The following SBF1 variants were observed in gnomAD, a reference collection of about 807,000 sequenced individuals.
SBF1 encodes the protein SET binding factor 1.
In SBF1, 65 loss-of-function variants were observed where a neutral mutation model predicts 215.8. The observed-to-expected ratio is 0.30, with a 90% CI of 0.25 to 0.37. The LOEUF (loss-of-function observed/expected upper bound fraction) is 0.37, where lower values mean the gene tolerates loss of function less well. Among genes scored for constraint, SBF1 ranks in the 10% least tolerant of loss-of-function variants. SBF1 has a pLI of 1.00. For missense variants in SBF1, 2,634 were observed against 2,667.8 expected, an observed-to-expected ratio of 0.99 and a Z score of 0.28; for synonymous variants, 1,410 against 1,122.8, an observed-to-expected ratio of 1.26 and a Z score of -5.11.
rs1006526813 is a variant in SBF1, at chr22:50,461,053, G to A, written c.2967+106C>T. 1.4e-5 allele frequency: 19 copies of A among 1,399,456 alleles called. No individual in the cohort carries two copies. The Admixed American group carries it at 1.5e-4, about 11-fold the overall frequency. The allele number at this position is 1,399,456 out of a possible 1,614,324, so 86.7% of individuals were successfully genotyped here. On this transcript the variant is annotated intron_variant, in intron 23 of 40. Coordinates refer to ENST00000380817, the MANE Select transcript of SBF1 (RefSeq NM_002972.4). ...CCAGACATGCAAGCGTAACAACAGG[G>A]CCACTGCTGGAGACTGGCCTAAAAA...
chr22:50,447,208 A>C lies in SBF1; in HGVS notation c.5616T>G (p.Cys1872Trp). 1 of 1,613,900 alleles carries C rather than the reference A, an allele frequency of 6.2e-7. No homozygotes were observed. The highest frequency in any genetic ancestry group is 8.5e-7 in the Non-Finnish European group (1 of 1,179,984). ...GCTGGGCCGAGGGCACGTCCTGGGCACAGAAGTTGTAAACGCGACGCGTTG... is the reference window on the plus strand; with the variant it reads ...GCTGGGCCGAGGGCACGTCCTGGGCCCAGAAGTTGTAAACGCGACGCGTTG... ...VKTTRRVYNF[C>W]AQDVPSAQQW... The change falls in exon 41 of 41, where the codon TGT becomes TGG. Residue 1872 changes from cysteine to tryptophan, a missense_variant. Physicochemically the swap from Cys to Trp is radical, Grantham distance 215. Transcript: ENST00000380817.
chr22:50,473,801 G>C (rs1431392251), intron 1 of SBF1, among the ~76,000 whole-genome samples: 2 of 152,218 alleles, frequency 1.3e-5, no homozygotes, highest in Non-Finnish European at 2.9e-5. Flanking sequence ...CTGCCAGTCT[G>C]CAGCTGGGAT....
Position 50,462,251 on chromosome 22 carries a change from C to G in SBF1, c.2350G>C (p.Gly784Arg). 1 of 1,609,908 alleles carries G rather than the reference C, an allele frequency of 6.2e-7. No individual in the cohort carries two copies. The highest frequency in any genetic ancestry group is 2.2e-5 in the East Asian group (1 of 44,882). ...SKSRLLRERA[G>R]LGDLESASNS... ...CTGGCGCTCTCCAGGTCGCCCAGCC[C>G]GGCACGCTCCCGAAGTAGGCGGCTC... Residue 784 changes from glycine (G) to arginine (R), a missense_variant, in exon 19 of 41, where the codon GGG becomes CGG. Physicochemically the swap from Gly to Arg is moderately radical, Grantham distance 125 (BLOSUM62 -2). Coordinates refer to ENST00000380817, the MANE Select transcript of SBF1 (RefSeq NM_002972.4).
chr22:50,455,693 C>T, intron 31 of SBF1, 111 bp from the exon 32 acceptor site: 3 of 854,198 alleles, frequency 3.5e-6, no homozygotes, highest in South Asian at 3.1e-5. Context: ...AGGCCCTGTC[C>T]ACAGCCCCCC....
At position 50,455,002 on chromosome 22, in the gene SBF1, G is replaced by A. The variant is rs116731277; in HGVS notation, c.4681+14C>T. ...CCTGACCCGTGGCTGCCCCAGCCCC[G>A]ACTCCCCACATACCCAGCTCAATGC... On this transcript the variant is annotated intron_variant, in intron 34 of 40. Coordinates refer to ENST00000380817, the MANE Select transcript of SBF1 (RefSeq NM_002972.4). 8.7e-4 allele frequency: 1,404 copies of A among 1,613,920 alleles called. 9 individuals carry two copies. The African/African-American group carries it at 0.017, about 20-fold the overall frequency.
intron 29 of SBF1, 118 bp from the exon 30 acceptor site, chr22:50,456,791 G>A: frequency 3.3e-6 from 3 of 919,788 alleles, no homozygotes; most frequent in Non-Finnish European, 4.8e-6. Flanking sequence ...TGGTTGGCAG[G>A]ACCCCAGCAG....
At chr22:50,451,331 C>A (rs1214882977) in intron 36 of SBF1, among the ~76,000 whole-genome samples, 1 of 152,048 alleles carries the variant, frequency 6.6e-6, no homozygotes, top group Admixed American at 6.6e-5. Context: ...GGCAACAGAG[C>A]AAGACCCTGT....
intron 10 of SBF1, 24 bp downstream of exon 10, chr22:50,465,739 T>C (rs761948968): frequency 1.3e-6 from 2 of 1,575,766 alleles, no homozygotes; most frequent in Non-Finnish European, 1.7e-6. Flanking sequence ...GGGGTCCCCA[T>C]GCAGGAGCAG....
rs752779831 is a variant in SBF1 at position 50,459,458 on chromosome 22, C to T, written c.3688+12G>A. On this transcript the variant is annotated intron_variant, in intron 27 of 40. Coordinates refer to ENST00000380817, the MANE Select transcript of SBF1 (RefSeq NM_002972.4). ...AGGGCAGGGCAGGCACAGGGCAGGA[C>T]GCAGGAGGTACCTGGAGAAGGTGCG... The T allele has an allele frequency of 1.1e-5, 18 of 1,611,274 alleles. No homozygotes were observed. The highest frequency in any genetic ancestry group is 5.0e-5 in the Admixed American group (3 of 59,938).
In SBF1 at chr22:50,461,246, C is replaced by T. The variant is rs371514084; in HGVS notation, c.2880G>A (p.Ala960=). Residue 960 remains alanine, a synonymous_variant, in exon 23 of 41, where the codon GCG becomes GCA. Coordinates refer to ENST00000380817, the MANE Select transcript of SBF1 (RefSeq NM_002972.4). ...CGCTGATGCGCTTCTCCTTGGTCAG[C>T]GCAGCCACCGGGAAGGAGCGGACCA... ...QVVVRSFPVA[A]LTKEKRISVQ... is the part of the protein sequence containing the mutation. 4.5e-5 allele frequency: 73 copies of T among 1,612,752 alleles called. No individual in the cohort carries two copies. The highest frequency in any genetic ancestry group is 1.1e-4 in the South Asian group (10 of 91,000).
chr22:50,455,915 C>G, intron 31 of SBF1: 1 of 557,490 alleles, frequency 1.8e-6, no homozygotes, highest in Admixed American at 3.3e-5. Context: ...CGAGAGAATG[C>G]AGCAGGGGCC....
chr22:50,463,136 C>T, intron 16 of SBF1, 147 bp downstream of exon 16: 6 of 1,199,760 alleles, frequency 5.0e-6, no homozygotes, highest in Non-Finnish European at 7.1e-6. Context: ...TTCTCTCCAC[C>T]CTGTTCCCTG....
Position 50,460,402 on chromosome 22 carries a change from C to G in SBF1, c.3153G>C (p.Leu1051=), listed in dbSNP as rs1413380622. Residue 1051 remains leucine, a synonymous_variant, in exon 25 of 41, where the codon CTG becomes CTC. Coordinates refer to ENST00000380817, the MANE Select transcript of SBF1 (RefSeq NM_002972.4). ...TGGCGTTCTTGACCAGGTTCCGGGA[C>G]AGGGTTCTGAGGCCCACGAGAGTCA... ...TKDKGPSLRT[L]SRNLVKNAKK... 6.2e-6 allele frequency: 10 copies of G among 1,610,976 alleles called. No homozygotes were observed. In the Admixed American group the frequency reaches 8.4e-5, roughly 13 times the overall value.
chr22:50,459,503 C>T lies in SBF1; in HGVS notation c.3655G>A (p.Gly1219Ser), dbSNP rs1486209438. The change falls in exon 27 of 41, where the codon GGC becomes AGC. Residue 1219 changes from glycine (G) to serine (S), a missense_variant. Physicochemically the swap from Gly to Ser is moderately conservative, Grantham distance 56 (BLOSUM62 0). Transcript: ENST00000380817. Reference sequence around the variant, plus strand: ...GGTGCGTTCTGGGCCTTGAAGAGGCCGACGACACCTTTGCCATGCAGGCCT... The same window carrying T: ...GGTGCGTTCTGGGCCTTGAAGAGGCTGACGACACCTTTGCCATGCAGGCCT... ...SGGLHGKGVV[G>S]LFKAQNAPSP... The T allele has an allele frequency of 1.1e-5, 17 of 1,610,032 alleles. No individual in the cohort carries two copies. Among genetic ancestry groups the T allele is most frequent in the East Asian group, 2.2e-5 (1 of 44,882 alleles).
chr22:50,465,556 C>A (rs189477506), intron 10 of SBF1, among the ~76,000 whole-genome samples: 296 of 152,342 alleles, frequency 1.9e-3, no homozygotes, highest in Admixed American at 4.1e-3. Context: ...AAGTTCCAGC[C>A]CCTTGCTGGG....
intron 27 of SBF1, 23 bp downstream of exon 27, chr22:50,459,447 A>G (rs1263942582): frequency 6.2e-7 from 1 of 1,611,780 alleles, no homozygotes; most frequent in Admixed American, 1.7e-5. Context: ...CAGGGCAGGC[A>G]CAGGGCAGGA....
intron 1 of SBF1, among the ~76,000 whole-genome samples, chr22:50,469,717 G>A (rs966961988): frequency 2.0e-5 from 3 of 152,206 alleles, no homozygotes; most frequent in Admixed American, 6.5e-5. Flanking sequence ...CGGGGGTCAT[G>A]CTCAACACAG....
chr22:50,467,366 C>T lies in SBF1; in HGVS notation c.521G>A (p.Cys174Tyr), dbSNP rs553867603. ...CGAGCCCCCAGCCAGGGGCACAGTG[C>T]ACGTCAGCAGGTTCCCAATCACGTT... The part of the protein sequence containing the change: ...LENVIGNLLT[C>Y]TVPLAGGSQR... Residue 174 changes from cysteine to tyrosine, a missense_variant, in exon 5 of 41, where the codon TGC becomes TAC. Physicochemically the swap from Cys to Tyr is radical, Grantham distance 194 (BLOSUM62 -2). Coordinates refer to ENST00000380817, the MANE Select transcript of SBF1 (RefSeq NM_002972.4). 1.1e-5 allele frequency: 17 copies of T among 1,614,160 alleles called. No homozygotes were observed. The East Asian group carries it at 3.3e-4, about 32-fold the overall frequency.
rs1008534542 is a variant in SBF1 at position 50,459,354 on chromosome 22, T to C, written c.3727A>G (p.Lys1243Glu). The C allele has an allele frequency of 6.2e-7, 1 of 1,612,492 alleles. No individual in the cohort carries two copies. The highest frequency in any genetic ancestry group is 1.3e-5 in the African/African-American group (1 of 74,864). ...QADSSSLEQEKYLQAVVSSMP... is the reference protein window; with the variant it reads ...QADSSSLEQEEYLQAVVSSMP... ...GAGCTGACCACAGCCTGCAGGTACT[T>C]CTCCTGCTCCAGGCTACTCGAGTCC... The change falls in exon 28 of 41, where the codon AAG (lysine) becomes GAG (glutamate). Residue 1243 changes from lysine (K) to glutamate (E), a missense_variant. Physicochemically the swap from Lys to Glu is moderately conservative, Grantham distance 56 (BLOSUM62 1). Coordinates refer to ENST00000380817, the MANE Select transcript of SBF1 (RefSeq NM_002972.4).
Sources: allele counts gnomAD v4.1 joint callset (sites outside exome capture counted in the v4.1 genomes callset), GRCh38; gene constraint gnomAD v4.1.1; transcripts MANE v1.5; gene names NCBI Gene and HGNC (gene_info 2026-07-23, HGNC 2026-07-21).